Variants in AFG1L observed in about 807,000 individuals in gnomAD.
AFG1L encodes AFG1-like ATPase.
A neutral mutation model predicts 62.2 loss-of-function variants in AFG1L; 53 were observed. The ratio of observed to expected loss-of-function variants is 0.85; its 90% CI spans 0.68 to 1.07. The LOEUF is 1.07. Among genes scored for constraint, AFG1L ranks in the 50% least tolerant of loss-of-function variants. The pLI is 0.00. For missense variants in AFG1L, 555 were observed against 590.5 expected (o/e 0.94, Z 0.62); for synonymous variants, 228 against 210.3 (o/e 1.08, Z -0.73).
At chr6:108,506,006 A>T (rs1224174382) in intron 10 of AFG1L, among the ~76,000 whole-genome samples, 1 of 152,154 alleles carries the variant, frequency 6.6e-6, no homozygotes, top group Non-Finnish European at 1.5e-5. Flanking sequence ...AATTGCGAAA[A>T]TTAAGACATG....
At chr6:108,447,359 T>C (rs1189643815) in intron 8 of AFG1L, 63 bp downstream of exon 8, 4 of 1,005,272 alleles carry the variant, frequency 4.0e-6, no homozygotes, top group South Asian at 2.8e-5. Flanking sequence ...AACATAAAAA[T>C]AAGCAGTTTA....
intron 11 of AFG1L, among the ~76,000 whole-genome samples, chr6:108,516,049 C>T (rs1302662580): frequency 1.3e-5 from 2 of 152,188 alleles, no homozygotes; most frequent in Non-Finnish European, 2.9e-5. Context: ...CAGATGGATT[C>T]ACAGCCGAAT....
intron 2 of AFG1L, among the ~76,000 whole-genome samples, 194 bp downstream of exon 2, chr6:108,324,242 AG>A (rs1177814304): frequency 6.6e-6 from 1 of 152,196 alleles, no homozygotes. Context: ...GGGTTTGAAT[AG>A]CTTCATATTT....
At chr6:108,438,701 C>T (rs1771415057) in intron 7 of AFG1L, among the ~76,000 whole-genome samples, 1 of 152,040 alleles carries the variant, frequency 6.6e-6, no homozygotes, top group African/African-American at 2.4e-5. Flanking sequence ...ACATGATAAG[C>T]ACTTCATGAT....
At chr6:108,307,367 T>C (rs1264525763) in intron 1 of AFG1L, among the ~76,000 whole-genome samples, 2 of 151,864 alleles carry the variant, frequency 1.3e-5, no homozygotes, top group Non-Finnish European at 2.9e-5. Flanking sequence ...CAGTAGAAAA[T>C]ATAGAAAAGA....
chr6:108,481,406 G>A (rs146070690), intron 10 of AFG1L, among the ~76,000 whole-genome samples: 1 of 152,098 alleles, frequency 6.6e-6, no homozygotes, highest in Non-Finnish European at 1.5e-5. Context: ...ACCTCTAGGG[G>A]TCCCCGAGAC....
intron 2 of AFG1L, 70 bp downstream of exon 2, chr6:108,324,118 A>C: frequency 9.2e-7 from 1 of 1,082,564 alleles, no homozygotes. Flanking sequence ...GATGCAATGC[A>C]GTAGGACACA....
In AFG1L at chr6:108,447,216, A is replaced by C. The variant is rs912403033; in HGVS notation, c.810A>C (p.Glu270Asp). The C allele has an allele frequency of 1.2e-5, 19 of 1,568,568 alleles. No homozygotes were observed. Among genetic ancestry groups the C allele is most frequent in the Non-Finnish European group, 1.7e-5 (19 of 1,142,348 alleles). ...CACTTCATTTGTTTGGATTGTAGGA[A>C]TATTGTAATACAGTCCAGCTAGATT... ...NFVPFIAVLK[E>D]YCNTVQLDSG... Residue 270 changes from glutamate (E) to aspartate (D), a missense_variant and splice_region_variant, in exon 8 of 13, where the codon GAA (glutamate) becomes GAC (aspartate). Coordinates refer to ENST00000368977, the MANE Select transcript of AFG1L (RefSeq NM_145315.5).
At chr6:108,399,227 C>T (rs1283399815) in intron 6 of AFG1L, among the ~76,000 whole-genome samples, 9 of 133,752 alleles carry the variant, frequency 6.7e-5, no homozygotes, top group African/African-American at 1.8e-4. Context: ...CTCACTCTGT[C>T]GCCAGGCTGG....
chr6:108,465,298 A>G (rs1772620639), intron 8 of AFG1L, among the ~76,000 whole-genome samples: 1 of 152,236 alleles, frequency 6.6e-6, no homozygotes, highest in Non-Finnish European at 1.5e-5. Context: ...TGGTCTTTCC[A>G]TACAACTACT....
intron 6 of AFG1L, among the ~76,000 whole-genome samples, chr6:108,380,027 G>GC (rs945983808): frequency 1.3e-5 from 2 of 152,160 alleles, no homozygotes; most frequent in African/African-American, 4.8e-5. Flanking sequence ...AGCAGAGAGG[G>GC]CCCCCGTGCA....
At chr6:108,473,847 C>T (rs1372673921) in intron 8 of AFG1L, among the ~76,000 whole-genome samples, 1 of 152,216 alleles carries the variant, frequency 6.6e-6, no homozygotes, top group Non-Finnish European at 1.5e-5. Context: ...GCGTGAGCCA[C>T]TATGCCCGGC....
intron 1 of AFG1L, chr6:108,319,660 A>G (rs1280262165): frequency 1.7e-5 from 4 of 236,346 alleles, no homozygotes; most frequent in African/African-American, 4.7e-5. Context: ...TGCAGTGGCC[A>G]TTCACAGGTA....
At chr6:108,358,086 A>G (rs1779369100) in intron 5 of AFG1L, among the ~76,000 whole-genome samples, 1 of 152,210 alleles carries the variant, frequency 6.6e-6, no homozygotes, top group African/African-American at 2.4e-5. Context: ...CGCTCTGAAG[A>G]GGCATACTAA....
intron 1 of AFG1L, among the ~76,000 whole-genome samples, chr6:108,316,380 C>CA (rs768461563): frequency 0.084 from 1,574 of 18,782 alleles, 364 homozygotes; most frequent in South Asian, 0.13. Context: ...GACTCCGTCT[C>CA]AAAAAAAAAA....
intron 1 of AFG1L, among the ~76,000 whole-genome samples, chr6:108,312,145 G>A (rs1188887836): frequency 3.9e-5 from 6 of 152,196 alleles, no homozygotes; most frequent in Non-Finnish European, 5.9e-5. Context: ...GATTACAGGC[G>A]TGAGCCATCG....
chr6:108,497,477 G>A (rs1047967099), intron 10 of AFG1L, among the ~76,000 whole-genome samples: 1 of 151,348 alleles, frequency 6.6e-6, no homozygotes, highest in Non-Finnish European at 1.5e-5. Context: ...GTCAATCCTT[G>A]TCTCACTTAA....
intron 10 of AFG1L, among the ~76,000 whole-genome samples, chr6:108,483,009 G>A (rs945862437): frequency 6.6e-6 from 1 of 152,006 alleles, no homozygotes; most frequent in Non-Finnish European, 1.5e-5. Context: ...TATCTGATAA[G>A]GCTATTAAAA....
Position 108,525,154 on chromosome 6 carries a change from T to C in AFG1L, c.*2729T>C, listed in dbSNP as rs775657495. On this transcript the variant is annotated 3_prime_UTR_variant, in exon 13 of 13. Transcript: ENST00000368977. Reference sequence around the variant, plus strand: ...TCTTTAGAGTCAGGAGAAAACATCATGTGCCAAGGGTGCTCTCCAAACTGA... The same window carrying C: ...TCTTTAGAGTCAGGAGAAAACATCACGTGCCAAGGGTGCTCTCCAAACTGA... 23 of 152,228 alleles carry C rather than the reference T, an allele frequency of 1.5e-4. No individual in the cohort carries two copies. Among genetic ancestry groups the C allele is most frequent in the Non-Finnish European group, 2.6e-4 (18 of 68,044 alleles). 9.4% of individuals were successfully genotyped at this position (152,228 alleles called of 1,614,324 possible).
Sources: gnomAD v4.1 joint callset for allele counts (sites outside exome capture counted in the v4.1 genomes callset) on GRCh38, gnomAD v4.1.1 for gene constraint, MANE v1.5 for transcripts, NCBI Gene and HGNC (gene_info 2026-07-23, HGNC 2026-07-21) for gene names.